SLC2A5: variants seen among roughly 807,000 people sequenced by gnomAD.
SLC2A5 encodes solute carrier family 2, facilitated glucose transporter member 5.
SLC2A5 carries 56 observed loss-of-function variants against 50.3 expected under a neutral mutation model. That is an observed-to-expected ratio of 1.11 (90% CI 0.90 to 1.39). The LOEUF is 1.39. Ranked by LOEUF, SLC2A5 falls within the 40% of genes most tolerant of loss-of-function variation. The pLI, the probability that SLC2A5 is intolerant of heterozygous loss-of-function variation, is 0.00. For synonymous variants in SLC2A5, 269 were observed against 281.9 expected (o/e 0.95, Z 0.46); for missense variants, 566 against 650.1 (o/e 0.87, Z 1.41).
chr1:9,081,215 A>T (rs1327366134), intron 2 of SLC2A5, among the ~76,000 whole-genome samples: 3 of 147,510 alleles, frequency 2.0e-5, no homozygotes, highest in African/African-American at 7.5e-5. Flanking sequence ...AGCTGTGATC[A>T]TACCACTGCA....
At chr1:9,083,502 C>T (rs1215109563) in intron 2 of SLC2A5, among the ~76,000 whole-genome samples, 7 of 152,170 alleles carry the variant, frequency 4.6e-5, no homozygotes, top group South Asian at 2.1e-4. Flanking sequence ...CTAGGTTTCA[C>T]GTAGGACCTC....
chr1:9,041,964 A>G (rs768688032), intron 4 of SLC2A5, 27 bp from the exon 5 acceptor site: 3 of 1,550,966 alleles, frequency 1.9e-6, no homozygotes, highest in Admixed American at 2.1e-5. Context: ...TAGAAACACC[A>G]TCAGAAAAAA....
chr1:9,049,980 A>G (rs1417070328), intron 3 of SLC2A5, among the ~76,000 whole-genome samples: 4 of 151,776 alleles, frequency 2.6e-5, no homozygotes, highest in African/African-American at 7.3e-5. Context: ...CTAGAAAAAA[A>G]TAATAGATTG....
chr1:9,080,939 C>T (rs1047887142), intron 2 of SLC2A5, among the ~76,000 whole-genome samples: 1 of 152,138 alleles, frequency 6.6e-6, no homozygotes, highest in African/African-American at 2.4e-5. Context: ...TTGCCAATAA[C>T]CTCATCAAAA....
At chr1:9,084,259 T>G (rs1389420031) in intron 2 of SLC2A5, among the ~76,000 whole-genome samples, 1 of 152,188 alleles carries the variant, frequency 6.6e-6, no homozygotes, top group Non-Finnish European at 1.5e-5. Flanking sequence ...AACCCTCACC[T>G]TTTTCCAGGA....
At chr1:9,091,299 T>C (rs1642459420), upstream of SLC2A5, among the ~76,000 whole-genome samples, 1 of 152,148 alleles carries the variant, frequency 6.6e-6, no homozygotes. Flanking sequence ...TTCATCTATA[T>C]TTACATAGTT....
intron 8 of SLC2A5, among the ~76,000 whole-genome samples, 169 bp from the exon 9 acceptor site, chr1:9,039,098 T>G (rs916030803): frequency 6.6e-6 from 1 of 152,198 alleles, no homozygotes; most frequent in Non-Finnish European, 1.5e-5. Context: ...CAGCGGGAAG[T>G]CGGCTGTGGC....
chr1:9,038,637 C>G, intron 9 of SLC2A5, 131 bp from the exon 10 acceptor site: 3 of 1,233,484 alleles, frequency 2.4e-6, no homozygotes, highest in Non-Finnish European at 3.4e-6. Flanking sequence ...CTCGATGAGC[C>G]ACTGGGAAAT....
intron 1 of SLC2A5, among the ~76,000 whole-genome samples, chr1:9,066,029 G>A (rs1642072205): frequency 6.6e-6 from 1 of 152,092 alleles, no homozygotes; most frequent in Non-Finnish European, 1.5e-5. Context: ...ACCATGCCTG[G>A]TCTGTAGTAG....
rs1349087929 is a variant in SLC2A5, at chr1:9,040,422, C to T, written c.572-233G>A. On this transcript the variant is annotated intron_variant, in intron 5 of 11. Coordinates refer to ENST00000377424, the MANE Select transcript of SLC2A5 (RefSeq NM_003039.3). This position sits in a 1 kb window ranked among gnomAD's most constrained non-coding sequence, Gnocchi z 4.3. Reference sequence around the variant, plus strand: ...ATCAGACAGACCACACCGACGAGGCCGGTAATACCATGTGCTGGTGAGAAC... The same window carrying T: ...ATCAGACAGACCACACCGACGAGGCTGGTAATACCATGTGCTGGTGAGAAC... 5.5e-6 allele frequency: 3 copies of T among 542,962 alleles called. No homozygotes were observed. Among genetic ancestry groups the T allele is most frequent in the South Asian group, 4.3e-5 (2 of 46,692 alleles). 33.6% of individuals were successfully genotyped at this position (542,962 alleles called of 1,614,324 possible).
upstream of SLC2A5, chr1:9,069,647 G>T: frequency 2.6e-6 from 3 of 1,143,330 alleles, no homozygotes; most frequent in Non-Finnish European, 3.9e-6. Context: ...CCAAATAACA[G>T]CCAATAGCAT....
At chr1:9,081,437 A>T (rs74747443) in intron 2 of SLC2A5, among the ~76,000 whole-genome samples, 4,689 of 148,284 alleles carry the variant, frequency 0.032, 290 homozygotes, top group East Asian at 0.26. Context: ...GTTCAAGTCC[A>T]GCCTGGGCAA....
Position 9,040,453 on chromosome 1 carries a change from C to G in SLC2A5, c.572-264G>C, listed in dbSNP as rs1489304478. On this transcript the variant is annotated intron_variant, in intron 5 of 11. Transcript: ENST00000377424. This position sits in a 1 kb window ranked among gnomAD's most constrained non-coding sequence, Gnocchi z 4.3. ...TACCATGTGCTGGTGAGAACGTCCC[C>G]GTGTCCTTCAGAGGACAGTCTTGCA... is the stretch of plus-strand genomic sequence containing the variant. 2.2e-6 allele frequency: 1 copy of G among 464,382 alleles called. No homozygotes were observed. Among genetic ancestry groups the G allele is most frequent in the Non-Finnish European group, 3.9e-6 (1 of 258,292 alleles). 28.8% of individuals were successfully genotyped at this position (464,382 alleles called of 1,614,324 possible).
chr1:9,079,529 A>G (rs1403377930), intron 2 of SLC2A5, among the ~76,000 whole-genome samples: 1 of 152,184 alleles, frequency 6.6e-6, no homozygotes, highest in Non-Finnish European at 1.5e-5. Flanking sequence ...TCTGTCACCC[A>G]GGCTGGAGTA....
chr1:9,075,430 G>T (rs551164759), intron 2 of SLC2A5, among the ~76,000 whole-genome samples: 2 of 151,998 alleles, frequency 1.3e-5, no homozygotes, highest in African/African-American at 4.8e-5. Context: ...TGCTGATACC[G>T]CCCGTTGCCT....
intron 1 of SLC2A5, among the ~76,000 whole-genome samples, chr1:9,059,268 A>G (rs1569882707): frequency 2.0e-5 from 3 of 147,074 alleles, no homozygotes; most frequent in South Asian, 4.3e-4. Context: ...TTAGCCTCCC[A>G]AATAGCTGGG....
chr1:9,054,002 T>G (rs1236968040), intron 3 of SLC2A5, among the ~76,000 whole-genome samples: 4 of 151,916 alleles, frequency 2.6e-5, no homozygotes, highest in Non-Finnish European at 5.9e-5. Flanking sequence ...ATGAAAAATA[T>G]AATCATTAAA....
chr1:9,037,924 G>A lies in SLC2A5; in HGVS notation c.1275C>T (p.Thr425=), dbSNP rs149106075. The A allele has an allele frequency of 1.5e-5, 25 of 1,613,976 alleles. No individual in the cohort carries two copies. Among genetic ancestry groups the A allele is most frequent in the African/African-American group, 1.2e-4 (9 of 75,070 alleles). Residue 425 remains threonine, a synonymous_variant, in exon 11 of 12, where the codon ACC becomes ACT. Transcript: ENST00000377424. ...GGSVHWLSNF[T]VGLIFPFIQE... ...GGATGAACGGGAAGATCAAGCCCAC[G>A]GTGAAGTTGGAGAGCCAGTGCACAC...
At chr1:9,076,094 T>A (rs1642278428) in intron 2 of SLC2A5, among the ~76,000 whole-genome samples, 1 of 152,046 alleles carries the variant, frequency 6.6e-6, no homozygotes, top group Admixed American at 6.6e-5. Context: ...TAACTGGAAT[T>A]ACAGACGCAC....
Sources: allele counts gnomAD v4.1 joint callset (sites outside exome capture counted in the v4.1 genomes callset), GRCh38; gene constraint gnomAD v4.1.1; non-coding constraint Gnocchi (gnomAD v3.1); transcripts MANE v1.5; gene names NCBI Gene and HGNC (gene_info 2026-07-23, HGNC 2026-07-21).